The following LINGO2 variants were observed in gnomAD, a reference collection of about 807,000 sequenced individuals.
The protein encoded by LINGO2 is leucine rich repeat and Ig domain containing 2.
A neutral mutation model predicts 30.6 loss-of-function variants in LINGO2; 14 were observed. The observed-to-expected ratio is 0.46, with a 90% CI of 0.30 to 0.72. The LOEUF is 0.72. Ranked by LOEUF, LINGO2 falls within the 30% of genes least tolerant of loss-of-function variation. LINGO2 has a pLI of 0.07. For missense variants in LINGO2, 729 were observed against 751.7 expected, an observed-to-expected ratio of 0.97 and a Z score of 0.35; for synonymous variants, 317 against 288.5, an observed-to-expected ratio of 1.10 and a Z score of -1.00.
chr9:28,283,692 T>C (rs1011367535), intron 4 of LINGO2, among the ~76,000 whole-genome samples: 1 of 152,160 alleles, frequency 6.6e-6, no homozygotes, highest in Non-Finnish European at 1.5e-5. Flanking sequence ...TCTCAGCTTC[T>C]TCATCTTGAA....
intron 4 of LINGO2, among the ~76,000 whole-genome samples, chr9:28,260,871 G>T (rs1822540905): frequency 6.6e-6 from 1 of 151,926 alleles, no homozygotes; most frequent in Non-Finnish European, 1.5e-5. Context: ...TGGATATTCA[G>T]TGATACGAGC....
At chr9:28,123,231 A>G (rs1827148090) in intron 4 of LINGO2, among the ~76,000 whole-genome samples, 1 of 152,242 alleles carries the variant, frequency 6.6e-6, no homozygotes, top group African/African-American at 2.4e-5. Context: ...TCTAGTTTTA[A>G]TTATCTCCTA....
chr9:28,457,302 C>T (rs1198077448), intron 2 of LINGO2, among the ~76,000 whole-genome samples: 1 of 152,166 alleles, frequency 6.6e-6, no homozygotes, highest in Non-Finnish European at 1.5e-5. Flanking sequence ...GCCTTTCAAA[C>T]AGGACTGAAA....
chr9:28,788,806 C>G, the LINGO2 span, among the ~76,000 whole-genome samples: 1 of 152,264 alleles, frequency 6.6e-6, no homozygotes, highest in African/African-American at 2.4e-5. Flanking sequence ...TCCATCTGGT[C>G]TCTCCCTTGA....
intron 2 of LINGO2, among the ~76,000 whole-genome samples, chr9:28,449,837 C>T (rs537305183): frequency 2.0e-5 from 3 of 152,166 alleles, no homozygotes; most frequent in African/African-American, 7.2e-5. Flanking sequence ...GTGACACCAT[C>T]CACTGAGACT....
chr9:28,236,111 T>A (rs907948003), intron 4 of LINGO2, among the ~76,000 whole-genome samples: 1 of 151,958 alleles, frequency 6.6e-6, no homozygotes, highest in Non-Finnish European at 1.5e-5. Flanking sequence ...TAACATACAA[T>A]GGCACTCCAG....
At chr9:28,671,982 A>C (rs1236333826), upstream of LINGO2, among the ~76,000 whole-genome samples, 4 of 152,100 alleles carry the variant, frequency 2.6e-5, no homozygotes, top group South Asian at 2.1e-4. Context: ...AAATATATAT[A>C]TTTCTTATTA....
chr9:28,445,639 T>C (rs7856495), intron 2 of LINGO2, among the ~76,000 whole-genome samples: 112,937 of 152,072 alleles, frequency 0.74, 42,096 homozygotes, highest in East Asian at 0.83. Flanking sequence ...GCAATTACAC[T>C]TAAAAGTATA....
At chr9:28,634,913 T>C (rs934210221) in intron 1 of LINGO2, among the ~76,000 whole-genome samples, 1 of 152,188 alleles carries the variant, frequency 6.6e-6, no homozygotes, top group South Asian at 2.1e-4. Context: ...AGGTTTACGA[T>C]GTGTGCTGTA....
chr9:28,073,611 T>C (rs779991234), intron 4 of LINGO2, among the ~76,000 whole-genome samples: 11 of 152,184 alleles, frequency 7.2e-5, no homozygotes, highest in Non-Finnish European at 1.2e-4. Flanking sequence ...GCCACATAAG[T>C]TGACTGAGGT....
chr9:29,098,686 T>G, the LINGO2 span, among the ~76,000 whole-genome samples: 1 of 152,134 alleles, frequency 6.6e-6, no homozygotes, highest in Non-Finnish European at 1.5e-5. Flanking sequence ...ATGTAAGAAC[T>G]TATAATTCAT....
intron 5 of LINGO2, among the ~76,000 whole-genome samples, chr9:28,000,172 G>A (rs1821875999): frequency 6.6e-6 from 1 of 152,184 alleles, no homozygotes. Context: ...GGAGGGTATT[G>A]TATTAAATTA....
intron 4 of LINGO2, among the ~76,000 whole-genome samples, chr9:28,279,120 C>T (rs572043539): frequency 3.0e-4 from 45 of 152,252 alleles, no homozygotes; most frequent in African/African-American, 1.1e-3. Flanking sequence ...TAAATTGCTA[C>T]AATCTCATGA....
chr9:29,133,945 C>T, the LINGO2 span, among the ~76,000 whole-genome samples: 37,035 of 151,878 alleles, frequency 0.24, 4,696 homozygotes, highest in East Asian at 0.44. Flanking sequence ...CCTTCCCTCA[C>T]TAAAGACACA....
intron 4 of LINGO2, among the ~76,000 whole-genome samples, chr9:28,029,898 A>T (rs1350877992): frequency 6.6e-6 from 1 of 152,194 alleles, no homozygotes; most frequent in Non-Finnish European, 1.5e-5. Flanking sequence ...TCAGAAAGGC[A>T]CAATAATTCC....
intron 1 of LINGO2, among the ~76,000 whole-genome samples, chr9:28,642,870 T>A (rs1827661307): frequency 6.6e-6 from 1 of 152,136 alleles, no homozygotes; most frequent in South Asian, 2.1e-4. Context: ...TTTTGTTTCT[T>A]GACGTGTTTT....
At position 27,989,453 on chromosome 9, in the gene LINGO2, G is replaced by C. The variant is rs963530630; in HGVS notation, c.-36+22902C>G. ...AACAGAGTGAATGCTCTCTGTGTGT[G>C]TGTGTGTGTGTGTGTGTGTGTGTGT... On this transcript the variant is annotated intron_variant, in intron 5 of 5. Transcript: ENST00000379992. Among the ~76,000 whole-genome samples the C allele has an allele frequency of 0.02, 1,349 of 67,248 alleles. 85 individuals carry two copies. The East Asian group carries it at 0.29, about 14-fold the overall frequency. The allele number at this position is 67,248 out of a possible 152,430, so 44.1% of individuals were successfully genotyped here.
chr9:28,289,911 C>T, intron 4 of LINGO2, among the ~76,000 whole-genome samples: 1 of 152,176 alleles, frequency 6.6e-6, no homozygotes, highest in East Asian at 1.9e-4. Flanking sequence ...AAATTGTCTT[C>T]TCCTTTCCCC....
chr9:28,526,506 A>T (rs1260147316), intron 1 of LINGO2, among the ~76,000 whole-genome samples: 1 of 152,182 alleles, frequency 6.6e-6, no homozygotes, highest in Non-Finnish European at 1.5e-5. Flanking sequence ...CCATAGACCT[A>T]CCCTATGATA....
Sources: allele counts gnomAD v4.1 joint callset (sites outside exome capture counted in the v4.1 genomes callset), GRCh38; gene constraint gnomAD v4.1.1; transcripts MANE v1.5; gene names NCBI Gene and HGNC (gene_info 2026-07-23, HGNC 2026-07-21).